The following TLK2 variants were observed in gnomAD, a reference collection of about 807,000 sequenced individuals.
The protein encoded by TLK2 is serine/threonine-protein kinase tousled-like 2.
In TLK2, 6 loss-of-function variants were observed where a neutral mutation model predicts 117.3. That is an observed-to-expected ratio of 0.05 (90% CI 0.03 to 0.10). TLK2 has a LOEUF of 0.10. TLK2 is among the 10% of genes least tolerant of loss of function. The probability of loss-of-function intolerance (pLI) is 1.00; values close to 1 mark genes in which losing one functional copy is unlikely to be tolerated. For missense variants in TLK2, 299 were observed against 901.2 expected, an observed-to-expected ratio of 0.33 and a Z score of 8.56; for synonymous variants, 257 against 316.7, an observed-to-expected ratio of 0.81 and a Z score of 2.00.
intron 13 of TLK2, among the ~76,000 whole-genome samples, chr17:62,577,315 C>T (rs1409139542): frequency 6.6e-6 from 1 of 151,984 alleles, no homozygotes; most frequent in Non-Finnish European, 1.5e-5. Flanking sequence ...AGTGTTTTTC[C>T]CCCTAGTGAT....
chr17:62,528,779 G>C (rs1248969425), intron 6 of TLK2, among the ~76,000 whole-genome samples: 1 of 152,198 alleles, frequency 6.6e-6, no homozygotes, highest in Non-Finnish European at 1.5e-5. Context: ...GACAGAGACT[G>C]ATGTGGCCTG....
At chr17:62,563,628 T>G (rs1026594067) in intron 10 of TLK2, among the ~76,000 whole-genome samples, 3 of 152,172 alleles carry the variant, frequency 2.0e-5, no homozygotes, top group Non-Finnish European at 4.4e-5. Flanking sequence ...TCTCTCACAG[T>G]ACTTTATTCT....
chr17:62,471,888 C>A (rs1305397387), intron 1 of TLK2, among the ~76,000 whole-genome samples: 1 of 37,776 alleles, frequency 2.6e-5, no homozygotes. Context: ...GTAGTATAGT[C>A]TTTTTTTTTT....
At chr17:62,586,507 A>G (rs906714559) in intron 16 of TLK2, among the ~76,000 whole-genome samples, 1 of 152,104 alleles carries the variant, frequency 6.6e-6, no homozygotes, top group East Asian at 1.9e-4. Context: ...AGAAATAGCT[A>G]TAGTAAATAA....
At chr17:62,505,615 A>AC (rs1326608270) in intron 2 of TLK2, among the ~76,000 whole-genome samples, 1 of 151,566 alleles carries the variant, frequency 6.6e-6, no homozygotes, top group Non-Finnish European at 1.5e-5. Context: ...TTTTTGAGAC[A>AC]CCATTTTAAA....
At chr17:62,576,982 A>ATTTTTTTTTTTTTT (rs1598707710) in intron 13 of TLK2, among the ~76,000 whole-genome samples, 1 of 33,896 alleles carries the variant, frequency 3.0e-5, no homozygotes, top group African/African-American at 7.0e-5. Context: ...TTTTTTTTTG[A>ATTTTTTTTTTTTTT]GTTGGAGTCT....
intron 2 of TLK2, among the ~76,000 whole-genome samples, chr17:62,491,065 GTC>G (rs1401992972): frequency 4.6e-5 from 7 of 152,112 alleles, no homozygotes; most frequent in African/African-American, 1.7e-4. Context: ...CTGGTCTTGT[GTC>G]TCTGGATTCT....
chr17:62,490,205 C>T (rs1397654105), intron 2 of TLK2, among the ~76,000 whole-genome samples: 3 of 152,250 alleles, frequency 2.0e-5, no homozygotes, highest in African/African-American at 7.2e-5. Flanking sequence ...GCATGCTAAA[C>T]ATATACTAGA....
chr17:62,584,139 G>A (rs1341009153), intron 15 of TLK2, among the ~76,000 whole-genome samples: 5 of 107,678 alleles, frequency 4.6e-5, no homozygotes. Flanking sequence ...TTTTGATACG[G>A]AATCTCGCTC....
intron 6 of TLK2, 69 bp from the exon 7 acceptor site, chr17:62,536,101 C>T (rs901486911): frequency 3.2e-4 from 486 of 1,527,328 alleles, no homozygotes; most frequent in Non-Finnish European, 3.9e-4. Context: ...GTTTTTAACC[C>T]GTTGCATGTT....
intron 2 of TLK2, among the ~76,000 whole-genome samples, chr17:62,490,519 A>G (rs1369812087): frequency 6.6e-6 from 1 of 152,016 alleles, no homozygotes; most frequent in Non-Finnish European, 1.5e-5. Flanking sequence ...CTCTTAAATT[A>G]TAGCTTAATT....
intron 15 of TLK2, among the ~76,000 whole-genome samples, chr17:62,583,726 C>T (rs938021313): frequency 9.2e-5 from 14 of 151,920 alleles, no homozygotes; most frequent in African/African-American, 2.4e-4. Context: ...TACAGGCGCC[C>T]GACCCCACAC....
chr17:62,588,058 ACG>A (rs1474755614), intron 16 of TLK2, among the ~76,000 whole-genome samples: 1 of 136,100 alleles, frequency 7.3e-6, no homozygotes, highest in Non-Finnish European at 1.6e-5. Context: ...TATAAAATAT[ACG>A]TATACATCTG....
chr17:62,506,869 A>G (rs938615270), intron 2 of TLK2, among the ~76,000 whole-genome samples: 8 of 152,174 alleles, frequency 5.3e-5, no homozygotes, highest in African/African-American at 9.6e-5. Context: ...TTCTCTGTGT[A>G]TTGGAATTGT....
intron 2 of TLK2, among the ~76,000 whole-genome samples, chr17:62,487,555 T>G (rs1253547161): frequency 6.7e-6 from 1 of 149,390 alleles, no homozygotes; most frequent in African/African-American, 2.4e-5. Context: ...CAAGGAGATA[T>G]CTGTAAAAAT....
intron 2 of TLK2, among the ~76,000 whole-genome samples, chr17:62,503,252 G>T (rs552257725): frequency 6.6e-6 from 1 of 151,656 alleles, no homozygotes; most frequent in Admixed American, 6.6e-5. Context: ...TAGAGACGGG[G>T]TTTCACTGTG....
At chr17:62,506,299 T>A (rs191859909) in intron 2 of TLK2, among the ~76,000 whole-genome samples, 1 of 152,296 alleles carries the variant, frequency 6.6e-6, no homozygotes, top group East Asian at 1.9e-4. Context: ...TAGGAGGTAG[T>A]CATTGGTTAT....
chr17:62,484,182 T>C (rs1169431945), intron 2 of TLK2, among the ~76,000 whole-genome samples: 5 of 152,060 alleles, frequency 3.3e-5, no homozygotes, highest in Admixed American at 3.3e-4. Context: ...TTACAATGAA[T>C]TTGTTATTTG....
chr17:62,531,353 A>G (rs1449610730), intron 6 of TLK2, among the ~76,000 whole-genome samples: 1 of 151,990 alleles, frequency 6.6e-6, no homozygotes, highest in Non-Finnish European at 1.5e-5. Flanking sequence ...TATTGTTTCT[A>G]ATTTGCTATT....
Sources: gnomAD v4.1 joint callset for allele counts (sites outside exome capture counted in the v4.1 genomes callset) on GRCh38, gnomAD v4.1.1 for gene constraint, MANE v1.5 for transcripts, NCBI Gene and HGNC (gene_info 2026-07-23, HGNC 2026-07-21) for gene names.